Variants in MAD1L1 observed in about 807,000 individuals in gnomAD.
The protein encoded by MAD1L1 is mitotic spindle assembly checkpoint protein MAD1.
MAD1L1 carries 95 observed loss-of-function variants against 96.9 expected under a neutral mutation model. The observed-to-expected ratio is 0.98, with a 90% CI of 0.83 to 1.16. The LOEUF (loss-of-function observed/expected upper bound fraction) is 1.16, where lower values mean the gene tolerates loss of function less well. Among genes scored for constraint, MAD1L1 ranks in the 50% most tolerant of loss-of-function variants. The pLI, the probability that MAD1L1 is intolerant of heterozygous loss-of-function variation, is 0.00. For synonymous variants in MAD1L1, 473 were observed against 396.6 expected (o/e 1.19, Z -2.29); for missense variants, 1,007 against 954.4 (o/e 1.06, Z -0.73).
At chr7:2,129,976 T>G (rs1788432755) in intron 11 of MAD1L1, among the ~76,000 whole-genome samples, 1 of 151,876 alleles carries the variant, frequency 6.6e-6, no homozygotes, top group Non-Finnish European at 1.5e-5. Context: ...AGCAGAAGGG[T>G]GAAGAAAACA....
intron 10 of MAD1L1, among the ~76,000 whole-genome samples, chr7:2,209,728 G>A: frequency 6.6e-6 from 1 of 152,156 alleles, no homozygotes; most frequent in Admixed American, 6.5e-5. Context: ...AGCAAAGCCT[G>A]GGCCCGAAGG....
At chr7:2,003,473 CCCAG>C (rs1781895691) in intron 13 of MAD1L1, among the ~76,000 whole-genome samples, 1 of 152,124 alleles carries the variant, frequency 6.6e-6, no homozygotes, top group Non-Finnish European at 1.5e-5. Flanking sequence ...CCCCTACAGG[CCCAG>C]CCAGAGCCAG....
intron 18 of MAD1L1, chr7:1,847,555 C>T (rs948425036): frequency 4.2e-6 from 2 of 471,008 alleles, no homozygotes; most frequent in African/African-American, 4.0e-5. Flanking sequence ...TGGCACTGTC[C>T]AGCAGCTGCC....
chr7:1,999,419 C>T (rs1400511427), intron 14 of MAD1L1, among the ~76,000 whole-genome samples: 2 of 152,198 alleles, frequency 1.3e-5, no homozygotes, highest in Admixed American at 6.5e-5. Context: ...CCCTCCACTG[C>T]GCTCCCCTGG....
chr7:2,045,403 C>T (rs1017640760), intron 12 of MAD1L1, among the ~76,000 whole-genome samples: 6 of 152,166 alleles, frequency 3.9e-5, no homozygotes, highest in African/African-American at 1.2e-4. Context: ...CTCTCAGGTG[C>T]CTCTCATGGC....
intron 11 of MAD1L1, among the ~76,000 whole-genome samples, chr7:2,129,044 G>A (rs1022827736): frequency 2.6e-5 from 4 of 152,206 alleles, no homozygotes; most frequent in Non-Finnish European, 5.9e-5. Context: ...GGTGGTGCAC[G>A]ACCCCACCAC....
intron 18 of MAD1L1, among the ~76,000 whole-genome samples, chr7:1,832,637 G>GT (rs1554266525): frequency 8.6e-5 from 3 of 35,052 alleles, no homozygotes; most frequent in African/African-American, 2.6e-4. Flanking sequence ...TTTTGGCGGG[G>GT]GGGGGGGGGG....
chr7:1,898,308 G>C lies in MAD1L1; in HGVS notation c.1890C>G (p.Arg630=). The change falls in exon 18 of 19, where the codon CGC becomes CGG. Residue 630 remains arginine, a synonymous_variant. Coordinates refer to ENST00000265854, the MANE Select transcript of MAD1L1 (RefSeq NM_001013836.2). ...AGCCGGTGAGCGTGTAGCAGGCCTTGCGGAACTCCTGGATCTTGGTCTGGA... is the reference window on the plus strand; with the variant it reads ...AGCCGGTGAGCGTGTAGCAGGCCTTCCGGAACTCCTGGATCTTGGTCTGGA... ...EVFQTKIQEF[R]KACYTLTGYQ... is the part of the protein sequence containing the mutation. 1 of 1,614,144 alleles carries C rather than the reference G, an allele frequency of 6.2e-7. No homozygotes were observed. Among genetic ancestry groups the C allele is most frequent in the Middle Eastern group, 1.6e-4 (1 of 6,062 alleles).
chr7:1,825,604 C>T (rs1021965002), intron 18 of MAD1L1, among the ~76,000 whole-genome samples: 4 of 152,250 alleles, frequency 2.6e-5, no homozygotes, highest in Non-Finnish European at 5.9e-5. Context: ...TGGGGCACAG[C>T]TCTGTCCACG....
intron 16 of MAD1L1, among the ~76,000 whole-genome samples, chr7:1,955,705 C>G (rs899602521): frequency 3.3e-5 from 5 of 152,184 alleles, no homozygotes; most frequent in Non-Finnish European, 7.3e-5. Context: ...CCCGGTTCCT[C>G]ACAGGCTGAG....
chr7:1,897,517 G>A (rs1786956239), intron 18 of MAD1L1, among the ~76,000 whole-genome samples: 1 of 152,202 alleles, frequency 6.6e-6, no homozygotes, highest in Non-Finnish European at 1.5e-5. Flanking sequence ...TGATGAACAA[G>A]CCCCTGTTGC....
At chr7:2,034,263 C>A (rs1783363843) in intron 12 of MAD1L1, among the ~76,000 whole-genome samples, 1 of 150,544 alleles carries the variant, frequency 6.6e-6, no homozygotes, top group South Asian at 2.1e-4. Context: ...GTCGCCCAGG[C>A]TGGAGTGCAA....
At chr7:2,064,037 A>G (rs999602021) in intron 12 of MAD1L1, among the ~76,000 whole-genome samples, 1 of 152,136 alleles carries the variant, frequency 6.6e-6, no homozygotes, top group Admixed American at 6.5e-5. Context: ...GGCTCCACAG[A>G]TGACACTGAG....
rs1199251458 is a variant in MAD1L1 at position 2,146,556 on chromosome 7, TG to T, written c.1073+2595del. 1.3e-5 allele frequency among the ~76,000 whole-genome samples: 2 copies of T among 152,210 alleles called. No homozygotes were observed. Among genetic ancestry groups the T allele is most frequent in the African/African-American group, 4.8e-5 (2 of 41,438 alleles). Reference sequence around the variant, plus strand: ...TACGTGGTCACAAGCACGTGCCCGCTGGTCCGCACAGACGAGGGAAAATGCC... The same window carrying T: ...TACGTGGTCACAAGCACGTGCCCGCTGTCCGCACAGACGAGGGAAAATGCC... On this transcript the variant is annotated intron_variant, in intron 11 of 18. Coordinates refer to ENST00000265854, the MANE Select transcript of MAD1L1 (RefSeq NM_001013836.2). This position sits in a 1 kb window ranked among gnomAD's most constrained non-coding sequence, Gnocchi z 6.2.
Position 2,076,361 on chromosome 7 carries a change from C to T in MAD1L1, c.1074-7023G>A, listed in dbSNP as rs1001279845. Among the ~76,000 whole-genome samples the T allele has an allele frequency of 1.6e-4, 24 of 152,226 alleles. 1 individual carries two copies. The highest frequency in any genetic ancestry group is 1.4e-3 in the Admixed American group (21 of 15,290). ...CGCAAGTTGTAAGCAGCACAAAGCTCGAGTCCTCTCCCTCTGCCCTGTGAG... is the reference window on the plus strand; with the variant it reads ...CGCAAGTTGTAAGCAGCACAAAGCTTGAGTCCTCTCCCTCTGCCCTGTGAG... On this transcript the variant is annotated intron_variant, in intron 11 of 18. Coordinates refer to ENST00000265854, the MANE Select transcript of MAD1L1 (RefSeq NM_001013836.2).
intron 10 of MAD1L1, among the ~76,000 whole-genome samples, chr7:2,194,494 C>G (rs905566829): frequency 3.3e-5 from 5 of 152,134 alleles, no homozygotes; most frequent in African/African-American, 1.2e-4. Flanking sequence ...ATGAAAGGTC[C>G]CACCTCCCAA....
intron 5 of MAD1L1, 24 bp from the exon 6 acceptor site, chr7:2,219,480 G>C (rs780340744): frequency 5.0e-5 from 80 of 1,610,200 alleles, no homozygotes; most frequent in Non-Finnish European, 6.4e-5. Context: ...GGACCAGAGA[G>C]CCGCTCAGTG....
chr7:2,077,713 G>C (rs1390867337), intron 11 of MAD1L1, among the ~76,000 whole-genome samples: 1 of 152,224 alleles, frequency 6.6e-6, no homozygotes, highest in Non-Finnish European at 1.5e-5. Flanking sequence ...CAAGGATCCA[G>C]GAGGCTAGCA....
intron 16 of MAD1L1, chr7:1,939,942 G>C (rs1489905524): frequency 6.6e-6 from 1 of 152,560 alleles, no homozygotes; most frequent in Non-Finnish European, 1.5e-5. Context: ...GGAGAGAGGA[G>C]AGGATGGGGA....
Sources: allele counts gnomAD v4.1 joint callset (sites outside exome capture counted in the v4.1 genomes callset), GRCh38; gene constraint gnomAD v4.1.1; non-coding constraint Gnocchi (gnomAD v3.1); transcripts MANE v1.5; gene names NCBI Gene and HGNC (gene_info 2026-07-23, HGNC 2026-07-21).